Variants in GPC5 observed in about 807,000 individuals in gnomAD.
GPC5 encodes glypican 5, also known as glypican-5.
A neutral mutation model predicts 53.9 loss-of-function variants in GPC5; 47 were observed. The ratio of observed to expected loss-of-function variants is 0.87; its 90% CI spans 0.69 to 1.11. GPC5 has a LOEUF of 1.11. GPC5 is among the 50% of genes most tolerant of loss of function. GPC5 has a pLI of 0.00. For missense variants in GPC5, 748 were observed against 713.1 expected, an observed-to-expected ratio of 1.05 and a Z score of -0.56; for synonymous variants, 286 against 263.3, an observed-to-expected ratio of 1.09 and a Z score of -0.84.
chr13:92,638,498 G>A (rs1885483459), intron 7 of GPC5, among the ~76,000 whole-genome samples: 1 of 152,060 alleles, frequency 6.6e-6, no homozygotes, highest in South Asian at 2.1e-4. Context: ...TGCAGTCCCT[G>A]TAATTCAGAC....
chr13:91,506,725 TTAAAG>T (rs67210319), intron 2 of GPC5, among the ~76,000 whole-genome samples: 84,955 of 151,610 alleles, frequency 0.56, 26,728 homozygotes, highest in Non-Finnish European at 0.7. Flanking sequence ...TTAAACATAT[TTAAAG>T]TAAAAGCACA....
chr13:91,941,721 G>A (rs1440170597), intron 6 of GPC5, among the ~76,000 whole-genome samples: 1 of 152,058 alleles, frequency 6.6e-6, no homozygotes, highest in Non-Finnish European at 1.5e-5. Flanking sequence ...CTTCATGTAT[G>A]TTTCCTCAAT....
chr13:92,363,395 G>A (rs2043584077), intron 7 of GPC5, among the ~76,000 whole-genome samples: 1 of 151,686 alleles, frequency 6.6e-6, no homozygotes, highest in African/African-American at 2.4e-5. Flanking sequence ...ACGGAGGGTA[G>A]AGGGAGGGAT....
intron 6 of GPC5, among the ~76,000 whole-genome samples, chr13:92,050,192 TA>T (rs1202879470): frequency 2.0e-5 from 3 of 152,188 alleles, no homozygotes; most frequent in Non-Finnish European, 2.9e-5. Flanking sequence ...TTCCAATGAT[TA>T]AGTAGAGTTC....
At chr13:92,470,177 G>A (rs531934212) in intron 7 of GPC5, among the ~76,000 whole-genome samples, 1 of 152,244 alleles carries the variant, frequency 6.6e-6, no homozygotes, top group East Asian at 1.9e-4. Context: ...TAGGAGGAAA[G>A]ATGAATATAC....
intron 7 of GPC5, among the ~76,000 whole-genome samples, chr13:92,811,768 G>A (rs1440666561): frequency 1.3e-5 from 2 of 151,786 alleles, no homozygotes; most frequent in Non-Finnish European, 2.9e-5. Context: ...TCCATTTTGA[G>A]TTAATTTTTT....
chr13:92,165,092 C>T (rs760613743), intron 7 of GPC5, among the ~76,000 whole-genome samples: 8 of 152,304 alleles, frequency 5.3e-5, no homozygotes, highest in African/African-American at 1.2e-4. Context: ...GAGGGGCTGC[C>T]GTGAAAGTTT....
At chr13:92,517,968 A>G (rs1047412708) in intron 7 of GPC5, among the ~76,000 whole-genome samples, 1 of 152,254 alleles carries the variant, frequency 6.6e-6, no homozygotes, top group Non-Finnish European at 1.5e-5. Context: ...AAACCAGTGT[A>G]GAGAAGTCCT....
chr13:92,852,375 A>G (rs137897946), intron 7 of GPC5, among the ~76,000 whole-genome samples: 218 of 152,270 alleles, frequency 1.4e-3, no homozygotes, highest in African/African-American at 4.9e-3. Context: ...GGTTTTAACT[A>G]GGTCAAAGGT....
At chr13:92,211,211 CT>C (rs560759589) in intron 7 of GPC5, among the ~76,000 whole-genome samples, 1 of 152,114 alleles carries the variant, frequency 6.6e-6, no homozygotes, top group Non-Finnish European at 1.5e-5. Context: ...GAAAGGATAT[CT>C]ATTGAATTGA....
At chr13:91,882,394 A>T (rs1346007425) in intron 5 of GPC5, among the ~76,000 whole-genome samples, 1 of 152,010 alleles carries the variant, frequency 6.6e-6, no homozygotes, top group East Asian at 1.9e-4. Context: ...CATGCTAGTG[A>T]TTTCACAATT....
Position 92,737,766 on chromosome 13 carries a change from C to CTTTTTT in GPC5, c.1562-128504_1562-128499dup, listed in dbSNP as rs33914729. Among the ~76,000 whole-genome samples the CTTTTTT allele has an allele frequency of 2.2e-4, 22 of 102,126 alleles. 1 individual carries two copies. Among genetic ancestry groups the CTTTTTT allele is most frequent in the South Asian group, 3.5e-4 (1 of 2,890 alleles). 67.0% of individuals were successfully genotyped at this position (102,126 alleles called of 152,430 possible). ...TTTCTTTCTTTTTTTTTTTCTTTTT[C>CTTTTTT]TTTTTTTTTTTTTTTTTGAGAGGGA... On this transcript the variant is annotated intron_variant, in intron 7 of 7. Coordinates refer to ENST00000377067, the MANE Select transcript of GPC5 (RefSeq NM_004466.6).
intron 3 of GPC5, among the ~76,000 whole-genome samples, chr13:91,698,421 T>A (rs2035927751): frequency 6.6e-6 from 1 of 152,210 alleles, no homozygotes; most frequent in Non-Finnish European, 1.5e-5. Context: ...TTTATCTGAA[T>A]CTGTAGACAG....
intron 6 of GPC5, among the ~76,000 whole-genome samples, chr13:92,062,203 A>C (rs1170737399): frequency 6.6e-6 from 1 of 151,914 alleles, no homozygotes; most frequent in East Asian, 1.9e-4. Flanking sequence ...TTTTGTTATT[A>C]GCTAATAACT....
At chr13:92,158,228 G>A (rs1261142773) in intron 7 of GPC5, among the ~76,000 whole-genome samples, 1 of 152,184 alleles carries the variant, frequency 6.6e-6, no homozygotes, top group Non-Finnish European at 1.5e-5. Flanking sequence ...CACTTTTGAG[G>A]AAGGAATGAT....
intron 5 of GPC5, among the ~76,000 whole-genome samples, chr13:91,808,028 C>T (rs2038248846): frequency 6.6e-6 from 1 of 152,030 alleles, no homozygotes; most frequent in Non-Finnish European, 1.5e-5. Context: ...TTCAGAAAAT[C>T]TGAATTTAAG....
intron 7 of GPC5, among the ~76,000 whole-genome samples, chr13:92,462,211 G>C (rs1357108396): frequency 6.6e-6 from 1 of 152,106 alleles, no homozygotes. Flanking sequence ...CACTTTGTTT[G>C]GCTGGCTCAT....
At chr13:92,744,838 A>G (rs985567842) in intron 7 of GPC5, among the ~76,000 whole-genome samples, 1 of 152,024 alleles carries the variant, frequency 6.6e-6, no homozygotes, top group East Asian at 1.9e-4. Flanking sequence ...ATATATAGCT[A>G]TACTAAAAGA....
chr13:91,506,539 C>A (rs1243170682), intron 2 of GPC5, among the ~76,000 whole-genome samples: 1 of 152,032 alleles, frequency 6.6e-6, no homozygotes, highest in Non-Finnish European at 1.5e-5. Context: ...CATGTAAGAT[C>A]TATATGCCAA....
Sources: allele counts gnomAD v4.1 joint callset (sites outside exome capture counted in the v4.1 genomes callset), GRCh38; gene constraint gnomAD v4.1.1; transcripts MANE v1.5; gene names NCBI Gene and HGNC (gene_info 2026-07-23, HGNC 2026-07-21).